FAT3: variants seen among roughly 807,000 people sequenced by gnomAD.
FAT3 encodes the protein FAT atypical cadherin 3.
A neutral mutation model predicts 310.2 loss-of-function variants in FAT3; 95 were observed. That is an observed-to-expected ratio of 0.31 (90% CI 0.26 to 0.36). FAT3 has a LOEUF of 0.36. Ranked by LOEUF, FAT3 falls within the 10% of genes least tolerant of loss-of-function variation. The pLI is 1.00. For synonymous variants in FAT3, 2,314 were observed against 2,192.9 expected (o/e 1.06, Z -1.54); for missense variants, 5,408 against 5,715.6 (o/e 0.95, Z 1.74).
At chr11:92,774,321 C>G (rs1946539686) in intron 7 of FAT3, 141 bp downstream of exon 7, 1 of 977,374 alleles carries the variant, frequency 1.0e-6, no homozygotes, top group African/African-American at 1.6e-5. Flanking sequence ...TTTTCAAGAA[C>G]AAGTGAGAAA....
chr11:92,844,808 T>A lies in FAT3; in HGVS notation c.11365+76T>A. 6.5e-6 allele frequency: 9 copies of A among 1,379,282 alleles called. No individual in the cohort carries two copies. The South Asian group carries it at 1.4e-4, about 21-fold the overall frequency. The allele number at this position is 1,379,282 out of a possible 1,614,324, so 85.4% of individuals were successfully genotyped here. On this transcript the variant is annotated intron_variant, in intron 19 of 27. Transcript: ENST00000525166. Reference sequence around the variant, plus strand: ...GAATGAGTTACCATTCCAGCATGCCTGCATTCAATCATTCGTTCAACTAAA... The same window carrying A: ...GAATGAGTTACCATTCCAGCATGCCAGCATTCAATCATTCGTTCAACTAAA...
chr11:92,815,356 A>G, intron 13 of FAT3, among the ~76,000 whole-genome samples: 1 of 151,992 alleles, frequency 6.6e-6, no homozygotes, highest in East Asian at 1.9e-4. Flanking sequence ...GGCAGATCAC[A>G]AGGTCAGGAG....
At chr11:92,593,804 T>C (rs894444172) in intron 3 of FAT3, among the ~76,000 whole-genome samples, 3 of 152,210 alleles carry the variant, frequency 2.0e-5, no homozygotes, top group Non-Finnish European at 2.9e-5. Flanking sequence ...CAATATAACA[T>C]ATGATTCCAT....
chr11:92,559,534 A>G, intron 3 of FAT3: 1 of 318,010 alleles, frequency 3.1e-6, no homozygotes, highest in Non-Finnish European at 6.2e-6. Context: ...ATAGGCATGC[A>G]CCGCCATGCC....
intron 22 of FAT3, 24 bp from the exon 23 acceptor site, chr11:92,880,707 T>A (rs1174629415): frequency 6.2e-7 from 1 of 1,607,144 alleles, no homozygotes; most frequent in Non-Finnish European, 8.5e-7. Flanking sequence ...CATCCATGGC[T>A]CATGAGGTCC....
chr11:92,577,562 G>T (rs1938551912), intron 3 of FAT3, among the ~76,000 whole-genome samples: 1 of 152,078 alleles, frequency 6.6e-6, no homozygotes, highest in Non-Finnish European at 1.5e-5. Flanking sequence ...TCATTTATTT[G>T]TGGGAAAACA....
At chr11:92,440,071 A>G (rs1215958051) in intron 2 of FAT3, among the ~76,000 whole-genome samples, 3 of 151,984 alleles carry the variant, frequency 2.0e-5, no homozygotes, top group Non-Finnish European at 1.5e-5. Context: ...GCACTGCAGG[A>G]TGGGTAGTTT....
chr11:92,301,807 T>C (rs1418365888), intron 1 of FAT3, among the ~76,000 whole-genome samples: 1 of 151,874 alleles, frequency 6.6e-6, no homozygotes. Flanking sequence ...GGGTCTAGAG[T>C]GTTGTTGCTG....
chr11:92,818,485 C>G (rs1481495254), intron 13 of FAT3, among the ~76,000 whole-genome samples: 1 of 146,212 alleles, frequency 6.8e-6, no homozygotes, highest in Non-Finnish European at 1.5e-5. Flanking sequence ...TTAGGATTTT[C>G]TAAGTAGACA....
chr11:92,537,803 C>T (rs1169329487), intron 3 of FAT3, among the ~76,000 whole-genome samples: 2 of 152,206 alleles, frequency 1.3e-5, no homozygotes, highest in Admixed American at 1.3e-4. Flanking sequence ...AGAAAAATAT[C>T]TTAACAGACT....
chr11:92,787,767 A>G (rs763979593), intron 7 of FAT3, among the ~76,000 whole-genome samples: 15 of 151,618 alleles, frequency 9.9e-5, no homozygotes, highest in Non-Finnish European at 1.6e-4. Flanking sequence ...TTATAATATA[A>G]TAAGAATGTT....
chr11:92,579,031 A>G (rs779655236), intron 3 of FAT3, among the ~76,000 whole-genome samples: 4 of 152,142 alleles, frequency 2.6e-5, no homozygotes, highest in Non-Finnish European at 5.9e-5. Context: ...ACAGTTCATT[A>G]TGAAAAACAA....
At chr11:92,504,539 C>T (rs1416292074) in intron 2 of FAT3, among the ~76,000 whole-genome samples, 2 of 152,076 alleles carry the variant, frequency 1.3e-5, no homozygotes, top group African/African-American at 4.8e-5. Flanking sequence ...ATTTTAAAAT[C>T]CTATGTTGCC....
At chr11:92,569,072 A>T (rs1001419735) in intron 3 of FAT3, among the ~76,000 whole-genome samples, 5 of 152,132 alleles carry the variant, frequency 3.3e-5, no homozygotes, top group African/African-American at 1.2e-4. Context: ...ACATAACTGA[A>T]CTTCACTGTG....
chr11:92,368,833 C>CATACATATAT (rs1949091710), intron 2 of FAT3, among the ~76,000 whole-genome samples: 2 of 140,988 alleles, frequency 1.4e-5, no homozygotes, highest in East Asian at 2.0e-4. Flanking sequence ...TGTGTGTATA[C>CATACATATAT]ATATATATAT....
At chr11:92,487,172 T>G (rs914938953) in intron 2 of FAT3, among the ~76,000 whole-genome samples, 12 of 152,120 alleles carry the variant, frequency 7.9e-5, no homozygotes, top group Non-Finnish European at 1.2e-4. Context: ...TCATATTATT[T>G]TTTTCAAAGT....
At chr11:92,332,994 A>G (rs549747804) in intron 1 of FAT3, among the ~76,000 whole-genome samples, 2 of 152,334 alleles carry the variant, frequency 1.3e-5, no homozygotes, top group East Asian at 3.9e-4. Context: ...TTGCAGAACC[A>G]GTGTACTTAA....
chr11:92,661,227 A>T (rs971160010), intron 3 of FAT3, among the ~76,000 whole-genome samples: 14 of 152,212 alleles, frequency 9.2e-5, no homozygotes, highest in African/African-American at 3.1e-4. Flanking sequence ...AGCTGTTCAG[A>T]CACTGACTGT....
intron 3 of FAT3, among the ~76,000 whole-genome samples, chr11:92,627,855 T>C (rs1417676085): frequency 6.6e-6 from 1 of 152,152 alleles, no homozygotes; most frequent in African/African-American, 2.4e-5. Flanking sequence ...ATGAAGGGAT[T>C]ACAGGAAAAG....
Sources: gnomAD v4.1 joint callset for allele counts (sites outside exome capture counted in the v4.1 genomes callset) on GRCh38, gnomAD v4.1.1 for gene constraint, MANE v1.5 for transcripts, NCBI Gene and HGNC (gene_info 2026-07-23, HGNC 2026-07-21) for gene names.